HACE1: variants seen among roughly 807,000 people sequenced by gnomAD.
HACE1 encodes the protein E3 ubiquitin-protein ligase HACE1.
Under a neutral mutation model 118.4 loss-of-function variants are expected in HACE1, and 73 were observed. That is an observed-to-expected ratio of 0.62 (90% confidence interval 0.51 to 0.75). The LOEUF is 0.75. Ranked by LOEUF, HACE1 falls within the 30% of genes least tolerant of loss-of-function variation. The pLI is 0.00. For synonymous variants in HACE1, 368 were observed against 374.8 expected, an observed-to-expected ratio of 0.98 and a Z score of 0.21; for missense variants, 749 against 1,102.2, an observed-to-expected ratio of 0.68 and a Z score of 4.54.
chr6:104,769,131 C>T (rs1351678679), intron 19 of HACE1, among the ~76,000 whole-genome samples: 1 of 151,994 alleles, frequency 6.6e-6, no homozygotes, highest in Non-Finnish European at 1.5e-5. Context: ...ACCTCCAGAG[C>T]TCAAGTGATC....
intron 17 of HACE1, 43 bp downstream of exon 17, chr6:104,776,698 T>C (rs1475580752): frequency 5.4e-6 from 6 of 1,106,050 alleles, no homozygotes; most frequent in Non-Finnish European, 8.4e-6. Context: ...GTGTGAAAAA[T>C]GTGACAAGTT....
intron 6 of HACE1, among the ~76,000 whole-genome samples, chr6:104,821,712 C>T (rs1772735658): frequency 6.6e-6 from 1 of 152,156 alleles, no homozygotes; most frequent in South Asian, 2.1e-4. Context: ...GATTAAAACC[C>T]AAGTCCATGT....
At chr6:104,780,165 A>G (rs1781579432) in intron 14 of HACE1, among the ~76,000 whole-genome samples, 1 of 152,160 alleles carries the variant, frequency 6.6e-6, no homozygotes, top group African/African-American at 2.4e-5. Flanking sequence ...AAGATATTAA[A>G]CTATATCATT....
At chr6:104,731,869 G>GGAA (rs554741949) in intron 22 of HACE1, 1 of 135,300 alleles carries the variant, frequency 7.4e-6, no homozygotes, top group African/African-American at 2.6e-5. Context: ...AATTCCCATA[G>GGAA]AAAAAAAAAA....
At chr6:104,730,928 TG>T (rs1775134314) in intron 22 of HACE1, 2 of 156,656 alleles carry the variant, frequency 1.3e-5, no homozygotes, top group Admixed American at 1.2e-4. Context: ...AGATTTGTTT[TG>T]TTTTTTATAG....
intron 7 of HACE1, among the ~76,000 whole-genome samples, chr6:104,798,194 A>G (rs1199504781): frequency 6.6e-6 from 1 of 152,180 alleles, no homozygotes; most frequent in Non-Finnish European, 1.5e-5. Flanking sequence ...TAATCTAAGC[A>G]CAGGTGAAAC....
At chr6:104,750,103 T>C (rs1390735878) in intron 20 of HACE1, among the ~76,000 whole-genome samples, 1 of 152,178 alleles carries the variant, frequency 6.6e-6, no homozygotes. Flanking sequence ...ATATATTCCA[T>C]TTTAGTTTGT....
intron 6 of HACE1, among the ~76,000 whole-genome samples, chr6:104,832,038 A>C (rs888424302): frequency 1.3e-5 from 2 of 148,814 alleles, no homozygotes; most frequent in Non-Finnish European, 3.0e-5. Flanking sequence ...AAGGAGAAAG[A>C]AAAGAAAAAG....
At chr6:104,816,738 T>A (rs775122972) in intron 6 of HACE1, among the ~76,000 whole-genome samples, 2 of 152,070 alleles carry the variant, frequency 1.3e-5, no homozygotes, top group Non-Finnish European at 2.9e-5. Flanking sequence ...ACTGACAGCT[T>A]GCATAGTGCA....
At chr6:104,767,600 A>T (rs1200198894) in intron 19 of HACE1, among the ~76,000 whole-genome samples, 5 of 152,166 alleles carry the variant, frequency 3.3e-5, no homozygotes, top group African/African-American at 1.2e-4. Context: ...CACAGACTTC[A>T]GAATAATTTT....
chr6:104,838,038 A>G lies in HACE1; in HGVS notation c.403-4865T>C, dbSNP rs1316986905. ...AAGATGTCTAAAAGAAAACTATAGA[A>G]AAAGATGCAAGAAACTGAAGAAGAC... On this transcript the variant is annotated intron_variant, in intron 5 of 23. Transcript: ENST00000262903. Among the ~76,000 whole-genome samples, 4 of 152,092 alleles carry G rather than the reference A, an allele frequency of 2.6e-5. No individual in the cohort carries two copies. In the East Asian group the frequency reaches 7.7e-4, roughly 29 times the overall value.
chr6:104,747,007 G>A (rs1212535725), intron 20 of HACE1, among the ~76,000 whole-genome samples: 1 of 151,530 alleles, frequency 6.6e-6, no homozygotes, highest in Non-Finnish European at 1.5e-5. Context: ...TTTTCAAGAA[G>A]AAGAAAAAGA....
At position 104,744,537 on chromosome 6, in the gene HACE1, T is replaced by A; in HGVS notation, c.2417A>T (p.Tyr806Phe). The change falls in exon 21 of 24, where the codon TAT (tyrosine) becomes TTT (phenylalanine). Residue 806 changes from tyrosine (Y) to phenylalanine (F), a missense_variant. Tyr to Phe is a conservative substitution (Grantham distance 22, BLOSUM62 3). This residue lies in a region of HACE1 where 165 missense variants were observed against 229.9 expected (regional missense o/e 0.72). Coordinates refer to ENST00000262903, the MANE Select transcript of HACE1 (RefSeq NM_020771.4). The part of the protein sequence containing the change: ...WIKNTEYTSG[Y>F]EREDPVIQWF... ...CTGAATAACTGGATCTTCTCTTTCATAGCCACTTGTGTATTCTGTATTTTT... is the reference window on the plus strand; with the variant it reads ...CTGAATAACTGGATCTTCTCTTTCAAAGCCACTTGTGTATTCTGTATTTTT... The A allele has an allele frequency of 6.3e-7, 1 of 1,592,978 alleles. No homozygotes were observed. The highest frequency in any genetic ancestry group is 2.2e-5 in the East Asian group (1 of 44,662).
intron 1 of HACE1, chr6:104,858,332 T>G (rs979535444): frequency 9.6e-6 from 2 of 208,226 alleles, no homozygotes; most frequent in Non-Finnish European, 2.0e-5. Flanking sequence ...AAAGAAAATA[T>G]AGAAAAAGTT....
intron 6 of HACE1, among the ~76,000 whole-genome samples, chr6:104,822,332 G>A (rs1162635023): frequency 4.7e-5 from 7 of 148,966 alleles, no homozygotes; most frequent in African/African-American, 1.2e-4. Flanking sequence ...GCAGTGAGCC[G>A]CGACCACGCC....
Position 104,849,167 on chromosome 6 carries a change from G to C in HACE1, c.301C>G (p.Pro101Ala), listed in dbSNP as rs1775936693. 1 of 1,600,246 alleles carries C rather than the reference G, an allele frequency of 6.2e-7. No homozygotes were observed. ...PNYQDISGCT[P>A]LHLAARNGQK... ...CCATTTCTTGCTGCCAAATGAAGGG[G>C]TGTACAGCCTGAAATATCTTGATAG... is the stretch of plus-strand genomic sequence containing the variant. The change falls in exon 4 of 24, where the codon CCC becomes GCC. Residue 101 changes from proline to alanine, a missense_variant. Coordinates refer to ENST00000262903, the MANE Select transcript of HACE1 (RefSeq NM_020771.4).
At chr6:104,816,858 T>C (rs1772172987) in intron 6 of HACE1, among the ~76,000 whole-genome samples, 1 of 152,198 alleles carries the variant, frequency 6.6e-6, no homozygotes, top group African/African-American at 2.4e-5. Context: ...TCCCAACCCA[T>C]GCATCAGTGT....
chr6:104,794,940 G>A (rs377372004), intron 10 of HACE1, among the ~76,000 whole-genome samples: 6 of 151,934 alleles, frequency 3.9e-5, no homozygotes, highest in African/African-American at 1.4e-4. Flanking sequence ...GTGTGTGTGT[G>A]TATACATATA....
At chr6:104,772,340 G>C (rs546548913) in intron 17 of HACE1, among the ~76,000 whole-genome samples, 3 of 152,208 alleles carry the variant, frequency 2.0e-5, no homozygotes, top group East Asian at 1.9e-4. Flanking sequence ...ACTGAAATTA[G>C]TTGGAAGATC....
Sources: allele counts gnomAD v4.1 joint callset (sites outside exome capture counted in the v4.1 genomes callset), GRCh38; gene constraint gnomAD v4.1.1; regional missense constraint gnomAD v4.1.1; transcripts MANE v1.5; gene names NCBI Gene and HGNC (gene_info 2026-07-23, HGNC 2026-07-21).